The following MGLL variants were observed in gnomAD, a reference collection of about 807,000 sequenced individuals.
MGLL encodes lysophospholipase homolog.
A neutral mutation model predicts 29.1 loss-of-function variants in MGLL; 7 were observed. The observed-to-expected ratio is 0.24, with a 90% CI of 0.14 to 0.45. The LOEUF is 0.45. MGLL is among the 20% of genes least tolerant of loss of function. The probability of loss-of-function intolerance (pLI) is 0.99; values close to 1 mark genes in which losing one functional copy is unlikely to be tolerated. For missense variants in MGLL, 356 were observed against 413.6 expected (o/e 0.86, Z 1.21); for synonymous variants, 148 against 168.3 (o/e 0.88, Z 0.93).
chr3:127,767,425 A>G (rs983727762), intron 3 of MGLL, among the ~76,000 whole-genome samples: 1 of 152,206 alleles, frequency 6.6e-6, no homozygotes, highest in African/African-American at 2.4e-5. Context: ...CCCATATTTC[A>G]TGGCTCGTGG....
chr3:127,698,922 G>C (rs530484331), intron 6 of MGLL, among the ~76,000 whole-genome samples: 10 of 152,358 alleles, frequency 6.6e-5, no homozygotes, highest in African/African-American at 2.4e-4. Context: ...ACCAGGGTCT[G>C]CTGGGGACAT....
At chr3:127,773,410 G>A (rs1329497846) in intron 3 of MGLL, among the ~76,000 whole-genome samples, 1 of 152,250 alleles carries the variant, frequency 6.6e-6, no homozygotes, top group African/African-American at 2.4e-5. Flanking sequence ...GCAGCGCTGT[G>A]AGGACAAGTC....
At chr3:127,743,554 G>A (rs1576536174) in intron 3 of MGLL, among the ~76,000 whole-genome samples, 1 of 120,828 alleles carries the variant, frequency 8.3e-6, no homozygotes, top group Non-Finnish European at 1.6e-5. Context: ...GCCATCAGCC[G>A]ACACATTCCA....
At chr3:127,783,674 C>T (rs2077167995) in intron 2 of MGLL, 1 of 152,244 alleles carries the variant, frequency 6.6e-6, no homozygotes, top group Non-Finnish European at 1.5e-5. Context: ...CTTTTCCTGC[C>T]TTTTTCCTAA....
chr3:127,749,903 A>T (rs1230315583), intron 3 of MGLL, among the ~76,000 whole-genome samples: 3 of 152,208 alleles, frequency 2.0e-5, no homozygotes, highest in Non-Finnish European at 2.9e-5. Flanking sequence ...CTGGGGACAC[A>T]TGTTCCTAGC....
Position 127,692,210 on chromosome 3 carries a change from C to G in MGLL, c.930G>C (p.Ala310=). 2 of 1,612,084 alleles carry G rather than the reference C, an allele frequency of 1.2e-6. No individual in the cohort carries two copies. Among genetic ancestry groups the G allele is most frequent in the Non-Finnish European group, 1.7e-6 (2 of 1,179,622 alleles). The part of the protein sequence containing the change: ...VSQRTATAGT[A]SPP ...CCGGCCAATGCATTCAGGGTGGGGA[C>G]GCAGTTCCTGCCGTGGCTGTCCTTT... The change falls in exon 8 of 8, where the codon GCG becomes GCC. Residue 310 remains alanine (A), a synonymous_variant. Coordinates refer to ENST00000265052, the MANE Select transcript of MGLL (RefSeq NM_007283.7).
chr3:127,730,161 T>C (rs1032439463), intron 3 of MGLL, among the ~76,000 whole-genome samples: 27 of 152,220 alleles, frequency 1.8e-4, no homozygotes, highest in African/African-American at 5.3e-4. Context: ...TCTCCTTCTT[T>C]GCATGTTATA....
chr3:127,787,116 C>T (rs377464904), intron 2 of MGLL, among the ~76,000 whole-genome samples: 5 of 152,332 alleles, frequency 3.3e-5, no homozygotes, highest in African/African-American at 9.6e-5. Context: ...CTGCCTCACC[C>T]GCCTCCTGCA....
At chr3:127,817,782 T>C (rs1303826444) in intron 2 of MGLL, among the ~76,000 whole-genome samples, 1 of 152,240 alleles carries the variant, frequency 6.6e-6, no homozygotes, top group African/African-American at 2.4e-5. Flanking sequence ...CGTCTTTCTA[T>C]GGACTGAGAG....
chr3:127,749,499 T>G (rs1184087894), intron 3 of MGLL, among the ~76,000 whole-genome samples: 1 of 152,226 alleles, frequency 6.6e-6, no homozygotes, highest in Non-Finnish European at 1.5e-5. Context: ...TTCCTTTACT[T>G]CTAGCTCTCC....
Position 127,761,741 on chromosome 3 carries a change from G to A in MGLL, c.262+20048C>T, listed in dbSNP as rs2076768835. ...AGGCTGCCTCCCTCCTGGCACGTTC[G>A]GCTCCTCGCTTCATCGGCCGGGCCC... On this transcript the variant is annotated intron_variant, in intron 3 of 7. Coordinates refer to ENST00000265052, the MANE Select transcript of MGLL (RefSeq NM_007283.7). This position sits in a 1 kb window ranked among gnomAD's most constrained non-coding sequence, Gnocchi z 4.6. Among the ~76,000 whole-genome samples the A allele has an allele frequency of 6.6e-6, 1 of 152,160 alleles. No individual in the cohort carries two copies. Among genetic ancestry groups the A allele is most frequent in the African/African-American group, 2.4e-5 (1 of 41,432 alleles).
rs145788424 is a variant in MGLL, at chr3:127,812,590, G to A, written c.155+9104C>T. On this transcript the variant is annotated intron_variant, in intron 2 of 7. Transcript: ENST00000265052. The stretch of plus-strand genomic sequence containing the variant: ...TCATACTGGGTCCTCTGTGACTGGC[G>A]CTTGCCATGAGGGTGGAGGGAAGTA... Among the ~76,000 whole-genome samples the A allele has an allele frequency of 5.7e-3, 863 of 152,334 alleles. 6 individuals are homozygous for A. The highest frequency in any genetic ancestry group is 0.019 in the African/African-American group (807 of 41,568).
chr3:127,724,530 G>T (rs1276324505), intron 3 of MGLL, among the ~76,000 whole-genome samples: 1 of 152,212 alleles, frequency 6.6e-6, no homozygotes, highest in Non-Finnish European at 1.5e-5. Context: ...ATATGGGTGT[G>T]CAAATATCTC....
intron 2 of MGLL, among the ~76,000 whole-genome samples, chr3:127,793,599 T>A (rs1480277974): frequency 6.6e-6 from 1 of 152,166 alleles, no homozygotes; most frequent in East Asian, 1.9e-4. Flanking sequence ...CTTGCTCTTG[T>A]CCCCCAGGCT....
chr3:127,784,609 T>G (rs984713719), intron 2 of MGLL, among the ~76,000 whole-genome samples: 8 of 152,132 alleles, frequency 5.3e-5, no homozygotes, highest in Admixed American at 1.3e-4. Context: ...GCAGCACCTG[T>G]AGGCTTAGCC....
intron 6 of MGLL, among the ~76,000 whole-genome samples, chr3:127,708,542 TAGAG>T (rs1251887375): frequency 6.6e-6 from 1 of 152,236 alleles, no homozygotes; most frequent in African/African-American, 2.4e-5. Context: ...TGCTTTTAAA[TAGAG>T]AGGGTTTGGA....
intron 3 of MGLL, among the ~76,000 whole-genome samples, chr3:127,750,751 A>C (rs1395663440): frequency 6.6e-6 from 1 of 152,166 alleles, no homozygotes; most frequent in African/African-American, 2.4e-5. Context: ...TCTACAATGA[A>C]CTGGTATTTT....
chr3:127,733,177 G>A (rs916372391), intron 3 of MGLL, among the ~76,000 whole-genome samples: 2 of 152,146 alleles, frequency 1.3e-5, no homozygotes, highest in Non-Finnish European at 2.9e-5. Context: ...TGGCAACAAC[G>A]GTGACCTCTG....
chr3:127,733,985 T>C (rs374214553), intron 3 of MGLL, among the ~76,000 whole-genome samples: 7 of 152,318 alleles, frequency 4.6e-5, no homozygotes, highest in African/African-American at 4.8e-5. Flanking sequence ...GCGTAGAGCG[T>C]TGTGGCCCTG....
Sources: allele counts gnomAD v4.1 joint callset (sites outside exome capture counted in the v4.1 genomes callset), GRCh38; gene constraint gnomAD v4.1.1; non-coding constraint Gnocchi (gnomAD v3.1); transcripts MANE v1.5; gene names NCBI Gene and HGNC (gene_info 2026-07-23, HGNC 2026-07-21).